HCN1: variants seen among roughly 807,000 people sequenced by gnomAD.
HCN1 encodes potassium/sodium hyperpolarization-activated cyclic nucleotide-gated channel 1.
In HCN1, 13 loss-of-function variants were observed where a neutral mutation model predicts 78.9. That is an observed-to-expected ratio of 0.16 (90% CI 0.11 to 0.26). The LOEUF (loss-of-function observed/expected upper bound fraction) is 0.26, where lower values mean the gene tolerates loss of function less well. HCN1 is among the 10% of genes least tolerant of loss of function. The probability of loss-of-function intolerance (pLI) is 1.00; values close to 1 mark genes in which losing one functional copy is unlikely to be tolerated. For synonymous variants in HCN1, 552 were observed against 455.5 expected, an observed-to-expected ratio of 1.21 and a Z score of -2.70; for missense variants, 810 against 1,154.3, an observed-to-expected ratio of 0.70 and a Z score of 4.32.
At chr5:45,495,918 T>C (rs1489310436) in intron 2 of HCN1, among the ~76,000 whole-genome samples, 1 of 152,198 alleles carries the variant, frequency 6.6e-6, no homozygotes, top group African/African-American at 2.4e-5. Context: ...GATTTGCGTA[T>C]ATTGAACCAG....
chr5:45,403,830 A>G (rs1739869775), intron 3 of HCN1, among the ~76,000 whole-genome samples: 1 of 152,210 alleles, frequency 6.6e-6, no homozygotes, highest in East Asian at 1.9e-4. Context: ...ATTATGTTAA[A>G]CTAGTTTAAT....
At chr5:45,665,067 G>T (rs1216449025) in intron 1 of HCN1, among the ~76,000 whole-genome samples, 4 of 151,264 alleles carry the variant, frequency 2.6e-5, no homozygotes, top group African/African-American at 4.9e-5. Flanking sequence ...AACAATGATA[G>T]ACTGGATTAA....
intron 2 of HCN1, among the ~76,000 whole-genome samples, chr5:45,480,468 G>C (rs970349836): frequency 6.6e-6 from 1 of 152,142 alleles, no homozygotes. Flanking sequence ...TTGAGCATTT[G>C]AATGTCAGCT....
intron 5 of HCN1, among the ~76,000 whole-genome samples, chr5:45,338,235 G>A (rs1746505186): frequency 6.6e-6 from 1 of 152,056 alleles, no homozygotes; most frequent in South Asian, 2.1e-4. Flanking sequence ...ATTTGTATAA[G>A]TTTGTGAGAC....
intron 4 of HCN1, among the ~76,000 whole-genome samples, chr5:45,379,311 T>G (rs1466873772): frequency 2.0e-5 from 3 of 152,034 alleles, no homozygotes; most frequent in Non-Finnish European, 4.4e-5. Context: ...AATGAGCTCT[T>G]TTCTATGATA....
intron 2 of HCN1, among the ~76,000 whole-genome samples, chr5:45,595,376 T>C (rs964632447): frequency 1.3e-5 from 2 of 152,154 alleles, no homozygotes; most frequent in Non-Finnish European, 2.9e-5. Context: ...CTTGCTCTGT[T>C]GCCCAGGCTG....
chr5:45,505,762 G>A (rs1294339722), intron 2 of HCN1, among the ~76,000 whole-genome samples: 1 of 152,088 alleles, frequency 6.6e-6, no homozygotes, highest in African/African-American at 2.4e-5. Flanking sequence ...AAATATACAT[G>A]CATATAGGTA....
At chr5:45,342,616 T>G (rs1746610374) in intron 5 of HCN1, among the ~76,000 whole-genome samples, 1 of 152,162 alleles carries the variant, frequency 6.6e-6, no homozygotes. Context: ...CATTCTAATT[T>G]GATTGAGAAA....
intron 4 of HCN1, among the ~76,000 whole-genome samples, chr5:45,371,653 A>C (rs1025284220): frequency 3.3e-5 from 5 of 150,340 alleles, no homozygotes; most frequent in African/African-American, 1.2e-4. Flanking sequence ...GCTACTCGTG[A>C]GGCTGAGGCA....
intron 5 of HCN1, among the ~76,000 whole-genome samples, chr5:45,307,166 C>G (rs563326165): frequency 6.6e-6 from 1 of 151,900 alleles, no homozygotes; most frequent in South Asian, 2.1e-4. Context: ...TGGATTAAAC[C>G]CAAAGTATAA....
chr5:45,397,006 A>G (rs190395684), intron 3 of HCN1, among the ~76,000 whole-genome samples: 117 of 152,296 alleles, frequency 7.7e-4, no homozygotes, highest in Middle Eastern at 3.4e-3. Context: ...TGTAATAATG[A>G]CAAGAATGAA....
At chr5:45,515,488 CA>C (rs1054747276) in intron 2 of HCN1, among the ~76,000 whole-genome samples, 8 of 151,932 alleles carry the variant, frequency 5.3e-5, no homozygotes, top group African/African-American at 1.7e-4. Context: ...CAATTCAATT[CA>C]AAATGTATTA....
intron 3 of HCN1, among the ~76,000 whole-genome samples, chr5:45,444,455 C>T (rs10473385): frequency 1 from 152,238 of 152,258 alleles, 76,109 homozygotes; most frequent in Non-Finnish European, 1. Context: ...TGTTTAGAAT[C>T]TTTATGTAGT....
At chr5:45,460,896 C>A (rs1443402981) in intron 3 of HCN1, among the ~76,000 whole-genome samples, 2 of 149,696 alleles carry the variant, frequency 1.3e-5, no homozygotes, top group East Asian at 2.0e-4. Context: ...GCCAACAAAT[C>A]AATAGTAGAA....
chr5:45,495,841 T>C (rs1344737514), intron 2 of HCN1, among the ~76,000 whole-genome samples: 2 of 152,344 alleles, frequency 1.3e-5, no homozygotes, highest in East Asian at 3.9e-4. Flanking sequence ...AGGCATTTTC[T>C]GCATCTATTG....
At chr5:45,515,309 T>C (rs2111766312) in intron 2 of HCN1, among the ~76,000 whole-genome samples, 2 of 152,098 alleles carry the variant, frequency 1.3e-5, no homozygotes, top group South Asian at 4.1e-4. Flanking sequence ...CTTAACTACA[T>C]AGTATCAAAC....
chr5:45,371,243 C>T (rs547716595), intron 4 of HCN1, among the ~76,000 whole-genome samples: 12 of 151,918 alleles, frequency 7.9e-5, no homozygotes, highest in African/African-American at 2.9e-4. Flanking sequence ...GCAAATCAAC[C>T]CCAAAGCTAG....
chr5:45,595,611 A>C (rs1362109754), intron 2 of HCN1, among the ~76,000 whole-genome samples: 3 of 152,110 alleles, frequency 2.0e-5, no homozygotes, highest in Non-Finnish European at 4.4e-5. Context: ...TAGTCTAAAG[A>C]TATATTTAAG....
At chr5:45,480,108 C>T (rs1309511029) in intron 2 of HCN1, 1 of 152,590 alleles carries the variant, frequency 6.6e-6, no homozygotes, top group Non-Finnish European at 1.5e-5. Flanking sequence ...GAGTTATTTG[C>T]ATATACTCAA....
Sources: gnomAD v4.1 joint callset for allele counts (sites outside exome capture counted in the v4.1 genomes callset) on GRCh38, gnomAD v4.1.1 for gene constraint, MANE v1.5 for transcripts, NCBI Gene and HGNC (gene_info 2026-07-23, HGNC 2026-07-21) for gene names.